Variants in NDUFA10 observed in about 807,000 individuals in gnomAD.
NDUFA10 encodes NADH dehydrogenase [ubiquinone] 1 alpha subcomplex subunit 10, mitochondrial.
Under a neutral mutation model 47.8 loss-of-function variants are expected in NDUFA10, and 40 were observed. The observed-to-expected ratio is 0.84, with a 90% CI of 0.65 to 1.09. The LOEUF (loss-of-function observed/expected upper bound fraction) is 1.09, where lower values mean the gene tolerates loss of function less well. Ranked by LOEUF, NDUFA10 falls within the 50% of genes least tolerant of loss-of-function variation. NDUFA10 has a pLI of 0.00. For synonymous variants in NDUFA10, 183 were observed against 172.2 expected (o/e 1.06, Z -0.49); for missense variants, 413 against 451.1 (o/e 0.92, Z 0.76).
chr2:239,920,592 G>C (rs1256659280), intron 4 of NDUFA10, among the ~76,000 whole-genome samples: 1 of 152,214 alleles, frequency 6.6e-6, no homozygotes, highest in Non-Finnish European at 1.5e-5. Flanking sequence ...GCCAAAAGGA[G>C]CTGTGTCTCC....
chr2:239,950,925 G>A (rs894432450), intron 4 of NDUFA10, among the ~76,000 whole-genome samples: 1 of 152,196 alleles, frequency 6.6e-6, no homozygotes, highest in East Asian at 1.9e-4. Context: ...CTTCAAAGAG[G>A]TTTCAAGTCA....
At chr2:240,020,927 G>A (rs1337568924) in intron 3 of NDUFA10, among the ~76,000 whole-genome samples, 3 of 152,128 alleles carry the variant, frequency 2.0e-5, no homozygotes, top group Non-Finnish European at 4.4e-5. Context: ...ATATATAAAT[G>A]AATATGTAAG....
Position 239,959,790 on chromosome 2 carries a change from G to C in NDUFA10, c.*1328C>G. On this transcript the variant is annotated 3_prime_UTR_variant, in exon 10 of 10. Coordinates refer to ENST00000252711, the MANE Select transcript of NDUFA10 (RefSeq NM_004544.4). ...GAGGAAGGGAAGGGAGGAAAACAAG[G>C]ACAGATGGAAGGAAGAAAGGAAGGG... 4 of 800,624 alleles carry C rather than the reference G, an allele frequency of 5.0e-6. No homozygotes were observed. The highest frequency in any genetic ancestry group is 6.0e-6 in the Non-Finnish European group (4 of 661,580). The allele number at this position is 800,624 out of a possible 1,614,324, so 49.6% of individuals were successfully genotyped here. A position where few individuals can be genotyped will look rare whatever the true frequency, so the allele number is the denominator to read the frequency against.
intron 2 of NDUFA10, 133 bp from the exon 3 acceptor site, chr2:240,021,545 T>C: frequency 1.3e-6 from 1 of 772,368 alleles, no homozygotes; most frequent in Non-Finnish European, 2.2e-6. Context: ...CTAGAGAAAG[T>C]CACCTACATG....
intron 9 of NDUFA10, chr2:239,969,885 G>A (rs1216172347): frequency 4.8e-6 from 2 of 414,428 alleles, no homozygotes; most frequent in Admixed American, 2.6e-5. Context: ...AAAACAAATG[G>A]ACAGAGTCAC....
chr2:239,948,799 T>C lies in NDUFA10; in HGVS notation c.294+41275A>G, dbSNP rs575522881. On this transcript the variant is annotated intron_variant, in intron 4 of 5. Transcript: ENST00000419408. ...AGCCAGCCGAGGTGGCCCTCCCTCC[T>C]TGGGGACTTCACCAAGCCTCGAGCC... Among the ~76,000 whole-genome samples the C allele has an allele frequency of 3.9e-5, 6 of 152,334 alleles. No homozygotes were observed. The East Asian group carries it at 5.8e-4, about 15-fold the overall frequency.
chr2:240,010,849 A>G (rs1378882002), intron 6 of NDUFA10, among the ~76,000 whole-genome samples: 2 of 149,668 alleles, frequency 1.3e-5, no homozygotes, highest in African/African-American at 2.6e-5. Flanking sequence ...TAAAATTGCT[A>G]TACTTTTGTT....
chr2:239,946,295 C>T (rs1694451297), intron 4 of NDUFA10, among the ~76,000 whole-genome samples: 1 of 152,224 alleles, frequency 6.6e-6, no homozygotes, highest in African/African-American at 2.4e-5. Flanking sequence ...GCCCCAGCCC[C>T]AGCAGACGGG....
intron 4 of NDUFA10, among the ~76,000 whole-genome samples, chr2:239,907,824 T>A (rs1401568774): frequency 1.3e-5 from 2 of 152,220 alleles, no homozygotes; most frequent in Non-Finnish European, 2.9e-5. Flanking sequence ...TCAACCATTG[T>A]GGAAGACAGT....
At chr2:240,001,397 C>T (rs1230828838) in intron 8 of NDUFA10, among the ~76,000 whole-genome samples, 2 of 152,202 alleles carry the variant, frequency 1.3e-5, no homozygotes, top group East Asian at 1.9e-4. Context: ...AACTTTAGTA[C>T]TTATGATATA....
rs1559303019 is a variant in NDUFA10 at position 239,945,574 on chromosome 2, T to C, written c.294+44500A>G. Among the ~76,000 whole-genome samples, 1 of 152,144 alleles carries C rather than the reference T, an allele frequency of 6.6e-6. No individual in the cohort carries two copies. Reference sequence around the variant, plus strand: ...GCCAGGCTGGGAGGATCCTGGGGGCTGAGGCTCCCTCCAGGGAGGACTTGG... The same window carrying C: ...GCCAGGCTGGGAGGATCCTGGGGGCCGAGGCTCCCTCCAGGGAGGACTTGG... On this transcript the variant is annotated intron_variant, in intron 4 of 5. Coordinates refer to the NDUFA10 transcript ENST00000419408. The surrounding 1 kb of genome is among the most constrained non-coding windows in gnomAD (Gnocchi z 4.6).
intron 9 of NDUFA10, among the ~76,000 whole-genome samples, chr2:239,961,890 T>C (rs1005009755): frequency 1.3e-5 from 2 of 152,016 alleles, no homozygotes; most frequent in Non-Finnish European, 2.9e-5. Flanking sequence ...GCAGAAAGGA[T>C]GTTACAGGCC....
In NDUFA10 at chr2:240,016,901, C is replaced by T. The variant is rs965704711; in HGVS notation, c.547+1652G>A. 3.3e-5 allele frequency among the ~76,000 whole-genome samples: 5 copies of T among 152,256 alleles called. No homozygotes were observed. Among genetic ancestry groups the T allele is most frequent in the East Asian group, 1.9e-4 (1 of 5,166 alleles). On this transcript the variant is annotated intron_variant, in intron 4 of 9. Transcript: ENST00000252711. This position sits in a 1 kb window ranked among gnomAD's most constrained non-coding sequence, Gnocchi z 4.4. ...CCAACGCCCAAACATGAAGCCACAT[C>T]GGTCCACTGCCCCTGTGCATCCTTC...
At chr2:239,922,457 A>G (rs73101740) in intron 4 of NDUFA10, among the ~76,000 whole-genome samples, 12,802 of 152,226 alleles carry the variant, frequency 0.084, 581 homozygotes, top group Admixed American at 0.13. Context: ...TCCACCTTCC[A>G]TGACAGGTAC....
At chr2:239,983,118 C>G (rs1210716593) in intron 9 of NDUFA10, among the ~76,000 whole-genome samples, 1 of 152,170 alleles carries the variant, frequency 6.6e-6, no homozygotes, top group Non-Finnish European at 1.5e-5. Flanking sequence ...GAATGAAGCT[C>G]CCTGAGGGGC....
At chr2:239,900,579 G>GAAAAA (rs10566559) in intron 4 of NDUFA10, among the ~76,000 whole-genome samples, 2 of 148,142 alleles carry the variant, frequency 1.4e-5, no homozygotes, top group Non-Finnish European at 1.5e-5. Context: ...TCTTCCATAG[G>GAAAAA]AAAAAAAAAA....
intron 4 of NDUFA10, among the ~76,000 whole-genome samples, chr2:239,923,654 C>A (rs1023013416): frequency 2.6e-5 from 4 of 151,474 alleles, no homozygotes; most frequent in African/African-American, 9.7e-5. Flanking sequence ...AGTCCCAAAT[C>A]AATAATTTAA....
At chr2:239,955,943 T>C (rs1694644299), downstream of NDUFA10, among the ~76,000 whole-genome samples, 1 of 151,954 alleles carries the variant, frequency 6.6e-6, no homozygotes, top group Non-Finnish European at 1.5e-5. Flanking sequence ...TGTCGAGTCC[T>C]CCAGAGGAAA....
intron 3 of NDUFA10, among the ~76,000 whole-genome samples, chr2:240,019,328 A>G (rs747347016): frequency 1.3e-5 from 2 of 152,214 alleles, no homozygotes; most frequent in South Asian, 2.1e-4. Flanking sequence ...CATGCACTAA[A>G]TATTTAATGA....
Sources: gnomAD v4.1 joint callset for allele counts (sites outside exome capture counted in the v4.1 genomes callset) on GRCh38, gnomAD v4.1.1 for gene constraint, Gnocchi (gnomAD v3.1) non-coding constraint, MANE v1.5 for transcripts, NCBI Gene and HGNC (gene_info 2026-07-23, HGNC 2026-07-21) for gene names.